The following VPS13B variants were observed in gnomAD, a reference collection of about 807,000 sequenced individuals.
VPS13B encodes the protein vacuolar protein sorting 13 homolog B.
VPS13B carries 285 observed loss-of-function variants against 426.4 expected under a neutral mutation model. The ratio of observed to expected loss-of-function variants is 0.67; its 90% CI spans 0.61 to 0.74. VPS13B has a LOEUF of 0.74. Among genes scored for constraint, VPS13B ranks in the 30% least tolerant of loss-of-function variants. The pLI, the probability that VPS13B is intolerant of heterozygous loss-of-function variation, is 0.00. For missense variants in VPS13B, 4,537 were observed against 4,782.6 expected, an observed-to-expected ratio of 0.95 and a Z score of 1.51; for synonymous variants, 1,676 against 1,676.4, an observed-to-expected ratio of 1.00 and a Z score of 0.01.
At chr8:99,089,437 A>G (rs1215016202) in intron 3 of VPS13B, among the ~76,000 whole-genome samples, 1 of 152,114 alleles carries the variant, frequency 6.6e-6, no homozygotes, top group Non-Finnish European at 1.5e-5. Flanking sequence ...GTCAGGCTAC[A>G]CCTTGGTTTT....
At chr8:99,444,229 G>T (rs576440715) in intron 23 of VPS13B, among the ~76,000 whole-genome samples, 3 of 152,062 alleles carry the variant, frequency 2.0e-5, no homozygotes, top group East Asian at 3.9e-4. Flanking sequence ...CTCCCGAGCA[G>T]CTGGGACTAC....
intron 19 of VPS13B, among the ~76,000 whole-genome samples, chr8:99,288,055 A>G (rs1819539727): frequency 6.6e-6 from 1 of 152,066 alleles, no homozygotes; most frequent in Non-Finnish European, 1.5e-5. Context: ...ATCACAAATT[A>G]TCTTTGTTGT....
intron 41 of VPS13B, among the ~76,000 whole-genome samples, chr8:99,778,325 G>A (rs969475947): frequency 4.0e-5 from 6 of 151,724 alleles, no homozygotes; most frequent in Non-Finnish European, 5.9e-5. Context: ...TTTGAGTCAT[G>A]TTTTTGTTTT....
At chr8:99,567,326 G>C (rs1344304709) in intron 31 of VPS13B, among the ~76,000 whole-genome samples, 1 of 152,014 alleles carries the variant, frequency 6.6e-6, no homozygotes, top group Non-Finnish European at 1.5e-5. Context: ...GGACATCTCA[G>C]TAAAATTGAA....
chr8:99,170,101 A>G lies in VPS13B; in HGVS notation c.2271A>G (p.Val757=), dbSNP rs1812240644. 6.2e-7 allele frequency: 1 copy of G among 1,613,022 alleles called. No homozygotes were observed. The highest frequency in any genetic ancestry group is 8.5e-7 in the Non-Finnish European group (1 of 1,179,138). ...LDCSGSYCLP[V]PVIPSFSTAL... is the part of the protein sequence containing the mutation. The stretch of plus-strand genomic sequence containing the variant: ...GCAGTGGATCTTACTGCTTACCTGT[A>G]CCAGTTATTCCCTCTTTCAGCACTG... Residue 757 remains valine (V), a synonymous_variant, in exon 16 of 62, where the codon GTA becomes GTG. Coordinates refer to ENST00000357162, the MANE Select transcript of VPS13B (RefSeq NM_152564.5).
chr8:99,513,346 A>G (rs1821894481), intron 29 of VPS13B, among the ~76,000 whole-genome samples: 1 of 152,124 alleles, frequency 6.6e-6, no homozygotes, highest in South Asian at 2.1e-4. Flanking sequence ...GCAAACAATT[A>G]GGAAGGCCAA....
intron 22 of VPS13B, among the ~76,000 whole-genome samples, chr8:99,435,732 C>G (rs1394258017): frequency 6.6e-6 from 1 of 152,110 alleles, no homozygotes; most frequent in Non-Finnish European, 1.5e-5. Context: ...TTTGGGGAAT[C>G]AAGGAACAGA....
intron 2 of VPS13B, among the ~76,000 whole-genome samples, chr8:99,032,113 A>G (rs1313269091): frequency 6.6e-6 from 1 of 152,190 alleles, no homozygotes; most frequent in Non-Finnish European, 1.5e-5. Flanking sequence ...TTTCTCGTCA[A>G]TAGGGAGTCC....
At chr8:99,078,938 C>T (rs764482342) in intron 3 of VPS13B, among the ~76,000 whole-genome samples, 6 of 152,018 alleles carry the variant, frequency 3.9e-5, no homozygotes, top group Admixed American at 1.3e-4. Flanking sequence ...TGTCTAGGCC[C>T]GCAGATAGTG....
At chr8:99,242,384 A>G (rs907373352) in intron 17 of VPS13B, among the ~76,000 whole-genome samples, 4 of 152,210 alleles carry the variant, frequency 2.6e-5, no homozygotes, top group African/African-American at 9.7e-5. Flanking sequence ...TAAATTAAGA[A>G]TTTTTAGACA....
chr8:99,654,334 CA>C (rs1409397483), intron 34 of VPS13B, among the ~76,000 whole-genome samples: 4 of 152,102 alleles, frequency 2.6e-5, no homozygotes, highest in Admixed American at 2.0e-4. Context: ...AGGCGTGAGC[CA>C]CCACGCCCGG....
intron 33 of VPS13B, among the ~76,000 whole-genome samples, chr8:99,618,731 G>T (rs2067529): frequency 0.042 from 6,456 of 152,206 alleles, 152 homozygotes; most frequent in East Asian, 0.06. Flanking sequence ...ATTCGCCTCT[G>T]AATATAATCC....
At chr8:99,533,599 T>TGG (rs1823045080) in intron 30 of VPS13B, among the ~76,000 whole-genome samples, 4 of 152,332 alleles carry the variant, frequency 2.6e-5, no homozygotes, top group Non-Finnish European at 5.9e-5. Flanking sequence ...AATTGAGGAA[T>TGG]ATAACCAATA....
intron 44 of VPS13B, among the ~76,000 whole-genome samples, chr8:99,812,488 A>G (rs1271005161): frequency 6.6e-6 from 1 of 152,210 alleles, no homozygotes. Context: ...CAGATCCCTG[A>G]TGCACCTTAA....
intron 3 of VPS13B, among the ~76,000 whole-genome samples, chr8:99,051,128 T>A (rs1587965591): frequency 6.6e-6 from 1 of 152,222 alleles, no homozygotes; most frequent in South Asian, 2.1e-4. Flanking sequence ...TGAATGGTAT[T>A]GCCTAGGTTT....
intron 17 of VPS13B, among the ~76,000 whole-genome samples, chr8:99,240,704 A>C (rs1158653118): frequency 6.6e-6 from 1 of 152,266 alleles, no homozygotes; most frequent in Non-Finnish European, 1.5e-5. Context: ...AAAACTAAAA[A>C]AAATCACTTT....
At chr8:99,574,277 T>C (rs527475024) in intron 31 of VPS13B, among the ~76,000 whole-genome samples, 3 of 152,330 alleles carry the variant, frequency 2.0e-5, no homozygotes, top group African/African-American at 7.2e-5. Flanking sequence ...CTTTTCCTAA[T>C]TGAATATCCT....
In VPS13B at chr8:99,733,878, A is replaced by G. The variant is rs554414851; in HGVS notation, c.7050+12831A>G. Among the ~76,000 whole-genome samples the G allele has an allele frequency of 2.0e-5, 3 of 152,318 alleles. No individual in the cohort carries two copies. In the East Asian group the frequency reaches 5.8e-4, roughly 29 times the overall value. Reference sequence around the variant, plus strand: ...TAGCAGCTTTATTGAGATATAATTCACACATCATACAATTCCCTAATTTAA... The same window carrying G: ...TAGCAGCTTTATTGAGATATAATTCGCACATCATACAATTCCCTAATTTAA... On this transcript the variant is annotated intron_variant, in intron 39 of 61. Coordinates refer to ENST00000357162, the MANE Select transcript of VPS13B (RefSeq NM_152564.5).
chr8:99,308,424 G>C (rs1003132019), intron 19 of VPS13B, among the ~76,000 whole-genome samples: 6 of 152,044 alleles, frequency 3.9e-5, no homozygotes, highest in African/African-American at 1.4e-4. Flanking sequence ...GTGAGAACAT[G>C]CGGTGTTTGG....
Sources: allele counts gnomAD v4.1 joint callset (sites outside exome capture counted in the v4.1 genomes callset), GRCh38; gene constraint gnomAD v4.1.1; transcripts MANE v1.5; gene names NCBI Gene and HGNC (gene_info 2026-07-23, HGNC 2026-07-21).